The following PARK7 variants were observed in gnomAD, a reference collection of about 807,000 sequenced individuals.
PARK7 encodes the protein Parkinson disease protein 7.
A neutral mutation model predicts 20.5 loss-of-function variants in PARK7; 14 were observed. The ratio of observed to expected loss-of-function variants is 0.68; its 90% CI spans 0.45 to 1.07. PARK7 has a LOEUF of 1.07. Ranked by LOEUF, PARK7 falls within the 50% of genes least tolerant of loss-of-function variation. The probability of loss-of-function intolerance (pLI) is 0.00; values close to 1 mark genes in which losing one functional copy is unlikely to be tolerated. For synonymous variants in PARK7, 98 were observed against 84.3 expected (o/e 1.16, Z -0.89); for missense variants, 234 against 238.1 (o/e 0.98, Z 0.11).
At chr1:7,977,766 T>G (rs1250428905) in intron 6 of PARK7, 28 bp downstream of exon 6, 1 of 1,603,812 alleles carries the variant, frequency 6.2e-7, no homozygotes, top group South Asian at 1.1e-5. Context: ...TTTGTTTGTT[T>G]GTTTGTTTTT....
intron 6 of PARK7, among the ~76,000 whole-genome samples, chr1:7,979,549 G>A (rs1011725659): frequency 1.3e-5 from 2 of 152,184 alleles, no homozygotes; most frequent in Non-Finnish European, 2.9e-5. Context: ...CACCCAGGCA[G>A]GAGTGCAGTG....
intron 5 of PARK7, among the ~76,000 whole-genome samples, chr1:7,973,944 C>G (rs1421176177): frequency 6.6e-6 from 1 of 150,866 alleles, no homozygotes; most frequent in Non-Finnish European, 1.5e-5. Flanking sequence ...ATTTGGCTTA[C>G]TGTTTTGTGC....
chr1:7,981,844 G>A (rs931714516), intron 6 of PARK7, among the ~76,000 whole-genome samples: 63 of 151,652 alleles, frequency 4.2e-4, no homozygotes, highest in Non-Finnish European at 2.8e-4. Flanking sequence ...ATTTTTAGTA[G>A]AGACGGGGTT....
At chr1:7,971,432 G>A (rs574705390) in intron 5 of PARK7, 199 of 181,400 alleles carry the variant, frequency 1.1e-3, no homozygotes, top group Non-Finnish European at 1.8e-3. Flanking sequence ...CTTGGGCACC[G>A]CATTATCTGC....
At chr1:7,973,782 C>G (rs1019970566) in intron 5 of PARK7, among the ~76,000 whole-genome samples, 1 of 151,800 alleles carries the variant, frequency 6.6e-6, no homozygotes, top group Non-Finnish European at 1.5e-5. Flanking sequence ...GTGGCGCATG[C>G]CTGTCGTCCT....
chr1:7,964,466 A>G (rs939866649), intron 2 of PARK7, among the ~76,000 whole-genome samples: 6 of 152,216 alleles, frequency 3.9e-5, no homozygotes, highest in Non-Finnish European at 7.3e-5. Context: ...TCCACTTAAA[A>G]TTGCTGCTTG....
At chr1:7,978,149 A>T (rs1640627596) in intron 6 of PARK7, among the ~76,000 whole-genome samples, 1 of 150,964 alleles carries the variant, frequency 6.6e-6, no homozygotes, top group Admixed American at 6.6e-5. Flanking sequence ...GGTGTGCTCC[A>T]CCACGCCTGG....
intron 5 of PARK7, among the ~76,000 whole-genome samples, chr1:7,977,156 C>G (rs1044899070): frequency 6.6e-6 from 1 of 152,220 alleles, no homozygotes; most frequent in African/African-American, 2.4e-5. Flanking sequence ...TGAGCCCGCC[C>G]CAGTGATCCT....
At chr1:7,963,211 G>A (rs1299546502) in intron 2 of PARK7, among the ~76,000 whole-genome samples, 2 of 151,824 alleles carry the variant, frequency 1.3e-5, no homozygotes, top group Non-Finnish European at 1.5e-5. Context: ...CTACAGATGC[G>A]TGCCACCACA....
chr1:7,962,947 A>T, intron 2 of PARK7, 72 bp downstream of exon 2: 4 of 1,202,690 alleles, frequency 3.3e-6, no homozygotes, highest in Non-Finnish European at 5.0e-6. Flanking sequence ...TTTGAATAAA[A>T]TATTCAAAGT....
intron 5 of PARK7, chr1:7,971,873 C>G (rs933750350): frequency 6.6e-6 from 1 of 152,026 alleles, no homozygotes; most frequent in Non-Finnish European, 1.5e-5. Flanking sequence ...GCGGAGGTTG[C>G]AGTGAGCCGA....
chr1:7,980,739 T>C (rs1237151073), intron 6 of PARK7, among the ~76,000 whole-genome samples: 8 of 152,200 alleles, frequency 5.3e-5, no homozygotes, highest in African/African-American at 1.9e-4. Flanking sequence ...CTTCGAGAGG[T>C]AGGGCTGCAG....
intron 5 of PARK7, among the ~76,000 whole-genome samples, chr1:7,975,202 C>T (rs1640552742): frequency 6.6e-6 from 1 of 152,070 alleles, no homozygotes; most frequent in Admixed American, 6.6e-5. Context: ...ATTTTGAACA[C>T]AAAGAATATT....
rs567943896 is a variant in PARK7, at chr1:7,967,215, A to C, written c.192+1790A>C. On this transcript the variant is annotated intron_variant, in intron 3 of 6. Transcript: ENST00000338639. Reference sequence around the variant, plus strand: ...TCTTTCACTTAATATAATGTTCTCTAGTTCCATTCTTGTAGCCACAAATGA... The same window carrying C: ...TCTTTCACTTAATATAATGTTCTCTCGTTCCATTCTTGTAGCCACAAATGA... Among the ~76,000 whole-genome samples the C allele has an allele frequency of 2.1e-4, 32 of 152,308 alleles. No individual in the cohort carries two copies. The South Asian group carries it at 6.6e-3, about 32-fold the overall frequency.
chr1:7,974,705 G>T (rs1164317572), intron 5 of PARK7, among the ~76,000 whole-genome samples: 1 of 151,946 alleles, frequency 6.6e-6, no homozygotes, highest in Non-Finnish European at 1.5e-5. Context: ...TGAATATCCT[G>T]CACCACTGTT....
At chr1:7,969,306 G>T in intron 3 of PARK7, 39 bp from the exon 4 acceptor site, 1 of 1,525,094 alleles carries the variant, frequency 6.6e-7, no homozygotes, top group East Asian at 2.2e-5. Context: ...CAGTTGAAAT[G>T]AAATGTTTTT....
chr1:7,984,819 AT>A lies in PARK7; in HGVS notation c.410-72del. The A allele has an allele frequency of 6.4e-7, 1 of 1,563,194 alleles. No individual in the cohort carries two copies. Among genetic ancestry groups the A allele is most frequent in the Non-Finnish European group, 8.8e-7 (1 of 1,136,762 alleles). On this transcript the variant is annotated intron_variant, in intron 6 of 6. Transcript: ENST00000338639. The surrounding 1 kb of genome is among the most constrained non-coding windows in gnomAD (Gnocchi z 4.3). ...TTGGGTTTATATGCTGTAATAGTGA[AT>A]TTAATTGGTAAGTAATCGTCTTTCT... is the stretch of plus-strand genomic sequence containing the variant.
intron 5 of PARK7, among the ~76,000 whole-genome samples, chr1:7,972,484 TTTC>T (rs1375703304): frequency 2.6e-4 from 40 of 152,264 alleles, no homozygotes; most frequent in African/African-American, 9.4e-4. Flanking sequence ...ATTCGCCTTT[TTTC>T]TTCTCAGTCT....
At chr1:7,963,646 A>T (rs749729580) in intron 2 of PARK7, among the ~76,000 whole-genome samples, 5 of 151,796 alleles carry the variant, frequency 3.3e-5, no homozygotes, top group Admixed American at 6.6e-5. Context: ...CAGTGCTGGG[A>T]TTACAGGCAG....
Sources: gnomAD v4.1 joint callset for allele counts (sites outside exome capture counted in the v4.1 genomes callset) on GRCh38, gnomAD v4.1.1 for gene constraint, Gnocchi (gnomAD v3.1) non-coding constraint, MANE v1.5 for transcripts, NCBI Gene and HGNC (gene_info 2026-07-23, HGNC 2026-07-21) for gene names.